The following IL17B variants were observed in gnomAD, a reference collection of about 807,000 sequenced individuals.
IL17B encodes interleukin 17B.
A neutral mutation model predicts 14.7 loss-of-function variants in IL17B; 14 were observed. The observed-to-expected ratio is 0.95, with a 90% CI of 0.63 to 1.49. The LOEUF is 1.49. Among genes scored for constraint, IL17B ranks in the 40% most tolerant of loss-of-function variants. The pLI is 0.00. For missense variants in IL17B, 233 were observed against 252.8 expected (o/e 0.92, Z 0.53); for synonymous variants, 105 against 94.8 (o/e 1.11, Z -0.62).
upstream of IL17B, among the ~76,000 whole-genome samples, chr5:149,383,408 A>T (rs754027547): frequency 9.2e-5 from 14 of 152,132 alleles, no homozygotes; most frequent in Non-Finnish European, 1.9e-4. Flanking sequence ...GGCCAGGGGG[A>T]CCTGAAGGAT....
intron 1 of IL17B, among the ~76,000 whole-genome samples, chr5:149,389,689 G>A (rs1758899699): frequency 6.6e-6 from 1 of 152,228 alleles, no homozygotes; most frequent in East Asian, 1.9e-4. Flanking sequence ...CAGCAGAGCT[G>A]TAAAGTTAAG....
chr5:149,395,503 TGTAA>T (rs1245681171), intron 1 of IL17B, among the ~76,000 whole-genome samples: 3 of 152,216 alleles, frequency 2.0e-5, no homozygotes, highest in Non-Finnish European at 4.4e-5. Context: ...AACACCATTG[TGTAA>T]GTGTCTTCTT....
chr5:149,387,679 G>A (rs353277), intron 1 of IL17B, among the ~76,000 whole-genome samples: 21,231 of 150,854 alleles, frequency 0.14, 1,620 homozygotes, highest in Non-Finnish European at 0.16. Context: ...GAGGCTGAGA[G>A]GCGAGAGGAT....
chr5:149,395,232 G>A (rs1389681273), intron 1 of IL17B, among the ~76,000 whole-genome samples: 1 of 152,098 alleles, frequency 6.6e-6, no homozygotes, highest in Non-Finnish European at 1.5e-5. Context: ...ATTCCATGGT[G>A]TATATGTGCT....
chr5:149,376,188 C>G (rs547981007), intron 2 of IL17B, among the ~76,000 whole-genome samples: 2 of 152,330 alleles, frequency 1.3e-5, no homozygotes, highest in South Asian at 2.1e-4. Flanking sequence ...CATCGTTATC[C>G]AGGGCAATGG....
chr5:149,375,696 G>A (rs1758510524), intron 2 of IL17B, among the ~76,000 whole-genome samples: 1 of 152,002 alleles, frequency 6.6e-6, no homozygotes. Flanking sequence ...AGACCAGCCT[G>A]GGCAACATAG....
chr5:149,387,324 A>G (rs911161243), intron 1 of IL17B, among the ~76,000 whole-genome samples: 18 of 152,356 alleles, frequency 1.2e-4, no homozygotes, highest in Admixed American at 1.1e-3. Context: ...GTTCCCAGGA[A>G]AGAAGCCTCG....
intron 2 of IL17B, 83 bp downstream of exon 2, chr5:149,376,653 T>A (rs1013456927): frequency 1.3e-6 from 2 of 1,493,192 alleles, no homozygotes; most frequent in Admixed American, 4.5e-5. Context: ...CCTCTGAATC[T>A]GAGATCTTAA....
intron 2 of IL17B, among the ~76,000 whole-genome samples, chr5:149,376,485 A>C (rs1026612620): frequency 6.6e-6 from 1 of 152,226 alleles, no homozygotes; most frequent in African/African-American, 2.4e-5. Context: ...CAATGAGGGC[A>C]GTGCTCTGCA....
At chr5:149,399,368 A>T (rs560286260) in intron 1 of IL17B, among the ~76,000 whole-genome samples, 1 of 152,296 alleles carries the variant, frequency 6.6e-6, no homozygotes, top group Admixed American at 6.5e-5. Context: ...TTTACCTATC[A>T]TTCAGGAAGA....
At chr5:149,388,840 A>G (rs188064094) in intron 1 of IL17B, among the ~76,000 whole-genome samples, 20 of 152,356 alleles carry the variant, frequency 1.3e-4, no homozygotes, top group African/African-American at 4.3e-4. Flanking sequence ...AGATCTGCAG[A>G]GGTCAAAAAT....
chr5:149,390,098 C>G (rs74608492), intron 1 of IL17B, among the ~76,000 whole-genome samples: 1,653 of 152,280 alleles, frequency 0.011, 25 homozygotes, highest in African/African-American at 0.038. Flanking sequence ...GGTGCCATAA[C>G]CCTTTCATAC....
chr5:149,394,520 T>C (rs542129579), intron 1 of IL17B, among the ~76,000 whole-genome samples: 4 of 152,366 alleles, frequency 2.6e-5, no homozygotes, highest in African/African-American at 9.6e-5. Context: ...AATGCACTTC[T>C]GTGGAGTCAG....
At chr5:149,385,076 G>C (rs1430896687) in intron 1 of IL17B, among the ~76,000 whole-genome samples, 1 of 150,764 alleles carries the variant, frequency 6.6e-6, no homozygotes, top group Non-Finnish European at 1.5e-5. Flanking sequence ...ACCATGCCCA[G>C]CTAATTTTTG....
chr5:149,385,042 T>C (rs1418691321), intron 1 of IL17B, among the ~76,000 whole-genome samples: 1 of 151,608 alleles, frequency 6.6e-6, no homozygotes, highest in East Asian at 2.0e-4. Flanking sequence ...ACCTCCCAAG[T>C]AGCTAGGATT....
intron 1 of IL17B, among the ~76,000 whole-genome samples, chr5:149,399,771 C>T (rs2127623126): frequency 6.6e-6 from 1 of 152,260 alleles, no homozygotes. Flanking sequence ...GTTTCTAATA[C>T]CCCAGGTGCA....
chr5:149,379,374 G>A (rs909688555), upstream of IL17B: 2 of 867,206 alleles, frequency 2.3e-6, no homozygotes, highest in African/African-American at 1.7e-5. Context: ...GTCATCAGCT[G>A]GGAGCCTTGG....
chr5:149,388,843 T>A (rs775334810), intron 1 of IL17B, among the ~76,000 whole-genome samples: 5 of 152,066 alleles, frequency 3.3e-5, no homozygotes, highest in Non-Finnish European at 5.9e-5. Flanking sequence ...TCTGCAGAGG[T>A]CAAAAATCAG....
intron 1 of IL17B, among the ~76,000 whole-genome samples, chr5:149,387,177 G>A (rs896544105): frequency 1.3e-5 from 2 of 152,220 alleles, no homozygotes; most frequent in Admixed American, 6.5e-5. Context: ...CTCAGCCCTC[G>A]GGGCATGTGG....
Sources: allele counts gnomAD v4.1 joint callset (sites outside exome capture counted in the v4.1 genomes callset), GRCh38; gene constraint gnomAD v4.1.1; transcripts MANE v1.5; gene names NCBI Gene and HGNC (gene_info 2026-07-23, HGNC 2026-07-21).